SYT14: variants seen among roughly 807,000 people sequenced by gnomAD.
The protein encoded by SYT14 is synaptotagmin-14.
SYT14 carries 32 observed loss-of-function variants against 74.2 expected under a neutral mutation model. That is an observed-to-expected ratio of 0.43 (90% CI 0.33 to 0.58). The LOEUF (loss-of-function observed/expected upper bound fraction) is 0.58, where lower values mean the gene tolerates loss of function less well. SYT14 is among the 20% of genes least tolerant of loss of function. The probability of loss-of-function intolerance (pLI) is 0.05; values close to 1 mark genes in which losing one functional copy is unlikely to be tolerated. For missense variants in SYT14, 791 were observed against 981.8 expected (o/e 0.81, Z 2.60); for synonymous variants, 298 against 337.7 (o/e 0.88, Z 1.29).
intron 5 of SYT14, among the ~76,000 whole-genome samples, chr1:210,058,473 T>C (rs1369472887): frequency 1.3e-5 from 2 of 152,158 alleles, no homozygotes; most frequent in Non-Finnish European, 2.9e-5. Context: ...GCAAGAGTTA[T>C]AGGGCTAATC....
At chr1:209,975,621 G>T (rs2079346999) in intron 2 of SYT14, among the ~76,000 whole-genome samples, 1 of 152,152 alleles carries the variant, frequency 6.6e-6, no homozygotes, top group Non-Finnish European at 1.5e-5. Context: ...TTTTATTGAG[G>T]ATTTTTGTAT....
chr1:210,035,315 AC>A (rs1262430035), intron 5 of SYT14, among the ~76,000 whole-genome samples: 10 of 151,812 alleles, frequency 6.6e-5, no homozygotes, highest in African/African-American at 2.4e-4. Context: ...GGATATTATA[AC>A]TTGTCTATCA....
At chr1:210,021,361 AC>A in intron 5 of SYT14, 107 bp downstream of exon 4, 1 of 1,020,254 alleles carries the variant, frequency 9.8e-7, no homozygotes, top group South Asian at 1.4e-5. Context: ...GAGAGCACAT[AC>A]AGTACAGTCA....
At chr1:210,022,869 A>G (rs1016581540) in intron 5 of SYT14, among the ~76,000 whole-genome samples, 1 of 145,860 alleles carries the variant, frequency 6.9e-6, no homozygotes, top group African/African-American at 2.5e-5. Context: ...TCTCACCCCA[A>G]CTCCCCTCTG....
chr1:210,076,555 C>T (rs142713128), intron 5 of SYT14, among the ~76,000 whole-genome samples: 17 of 152,208 alleles, frequency 1.1e-4, no homozygotes, highest in African/African-American at 2.4e-4. Context: ...TCCATTCTCA[C>T]GATGCTATAA....
intron 7 of SYT14, among the ~76,000 whole-genome samples, chr1:210,139,278 T>C (rs1437243940): frequency 8.2e-4 from 121 of 147,894 alleles, no homozygotes; most frequent in African/African-American, 2.7e-3. Context: ...TTTTTTTTTT[T>C]TTTTTTTTTG....
intron 7 of SYT14, among the ~76,000 whole-genome samples, chr1:210,140,091 T>TC (rs1227646379): frequency 2.6e-5 from 4 of 152,104 alleles, no homozygotes; most frequent in Non-Finnish European, 5.9e-5. Context: ...TGTATGAGAG[T>TC]TTCAGTTTCT....
At chr1:210,093,237 T>C (rs1462148228) in intron 5 of SYT14, among the ~76,000 whole-genome samples, 3 of 152,188 alleles carry the variant, frequency 2.0e-5, no homozygotes, top group African/African-American at 2.4e-5. Flanking sequence ...ATAGTTCTTA[T>C]GTAACTTTTT....
chr1:210,163,663 T>C lies in SYT14; in HGVS notation c.*2621T>C, dbSNP rs138716222. On this transcript the variant is annotated 3_prime_UTR_variant, in exon 10 of 10. Transcript: ENST00000637265. Reference sequence around the variant, plus strand: ...CTGTTCTCCTTCACACACAGCAAAATATACATTTGTTTCTGTAGATTGACA... The same window carrying C: ...CTGTTCTCCTTCACACACAGCAAAACATACATTTGTTTCTGTAGATTGACA... 827 of 453,792 alleles carry C rather than the reference T, an allele frequency of 1.8e-3. 5 individuals are homozygous for C. Among genetic ancestry groups the C allele is most frequent in the African/African-American group, 0.015 (728 of 50,114 alleles). 28.1% of individuals were successfully genotyped at this position (453,792 alleles called of 1,614,324 possible).
At chr1:210,147,925 CT>C (rs1429450107) in intron 7 of SYT14, among the ~76,000 whole-genome samples, 1 of 152,062 alleles carries the variant, frequency 6.6e-6, no homozygotes. Context: ...GCAGCCCATC[CT>C]GAGCCCAGAG....
intron 2 of SYT14, among the ~76,000 whole-genome samples, chr1:209,964,029 A>G (rs927595831): frequency 3.9e-5 from 6 of 152,158 alleles, no homozygotes; most frequent in African/African-American, 1.4e-4. Context: ...GGTCAGTGAT[A>G]TGGTTTGGCT....
chr1:210,134,966 T>A (rs958306682), intron 7 of SYT14, among the ~76,000 whole-genome samples: 10 of 152,042 alleles, frequency 6.6e-5, no homozygotes, highest in African/African-American at 2.4e-4. Context: ...ATTTTTGTGT[T>A]CTTAATTTTT....
At chr1:210,039,878 C>G (rs542615035) in intron 5 of SYT14, among the ~76,000 whole-genome samples, 1 of 152,226 alleles carries the variant, frequency 6.6e-6, no homozygotes, top group South Asian at 2.1e-4. Flanking sequence ...AGTCAGGAAA[C>G]AACAGATGCT....
chr1:210,003,959 C>T (rs1416613603), intron 2 of SYT14, among the ~76,000 whole-genome samples: 1 of 151,770 alleles, frequency 6.6e-6, no homozygotes, highest in African/African-American at 2.4e-5. Flanking sequence ...TTGTGAAAGT[C>T]TCCAAATGTA....
At chr1:209,942,140 T>C (rs1348471070) in intron 1 of SYT14, among the ~76,000 whole-genome samples, 1 of 152,174 alleles carries the variant, frequency 6.6e-6, no homozygotes, top group Non-Finnish European at 1.5e-5. Flanking sequence ...AAGCCAAGTT[T>C]CTATGCATTG....
intron 1 of SYT14, among the ~76,000 whole-genome samples, chr1:209,949,486 T>C (rs1190670041): frequency 6.6e-6 from 1 of 151,954 alleles, no homozygotes; most frequent in Non-Finnish European, 1.5e-5. Context: ...GGCAGGAGAA[T>C]TGCTTGAACC....
exon 10 of SYT14, chr1:210,164,203 A>C (rs1008412125): frequency 2.9e-6 from 1 of 342,614 alleles, no homozygotes. Flanking sequence ...TTTGAAATCC[A>C]TTTGCATATT....
At chr1:209,996,728 C>G (rs763967836) in intron 2 of SYT14, among the ~76,000 whole-genome samples, 6 of 152,118 alleles carry the variant, frequency 3.9e-5, no homozygotes, top group Non-Finnish European at 8.8e-5. Flanking sequence ...AAAATACTAG[C>G]AAATCTAATT....
chr1:210,013,663 C>T, exon 3 of SYT14: 1 of 1,612,806 alleles, frequency 6.2e-7, no homozygotes, highest in Non-Finnish European at 8.5e-7. Flanking sequence ...TTTTTGTCAG[C>T]TGTTGGGGTG....
Sources: allele counts gnomAD v4.1 joint callset (sites outside exome capture counted in the v4.1 genomes callset), GRCh38; gene constraint gnomAD v4.1.1; transcripts MANE v1.5; gene names NCBI Gene and HGNC (gene_info 2026-07-23, HGNC 2026-07-21).